CCDC171: variants seen among roughly 807,000 people sequenced by gnomAD.
The protein encoded by CCDC171 is coiled-coil domain containing 171, also known as coiled-coil domain-containing protein 171.
CCDC171 carries 177 observed loss-of-function variants against 168.2 expected under a neutral mutation model. The ratio of observed to expected loss-of-function variants is 1.05; its 90% CI spans 0.93 to 1.19. CCDC171 has a LOEUF of 1.19. Among genes scored for constraint, CCDC171 ranks in the 50% most tolerant of loss-of-function variants. CCDC171 has a pLI of 0.00. For missense variants in CCDC171, 1,991 were observed against 1,539.0 expected (o/e 1.29, Z -4.91); for synonymous variants, 687 against 540.8 (o/e 1.27, Z -3.75).
intron 23 of CCDC171, among the ~76,000 whole-genome samples, chr9:15,857,361 G>C (rs1364510567): frequency 6.6e-6 from 1 of 151,846 alleles, no homozygotes; most frequent in Non-Finnish European, 1.5e-5. Context: ...ATAGTTGTAA[G>C]TCTTATGTTT....
chr9:15,947,757 A>AT (rs892532045), intron 25 of CCDC171, among the ~76,000 whole-genome samples: 13 of 149,454 alleles, frequency 8.7e-5, no homozygotes, highest in African/African-American at 2.5e-4. Flanking sequence ...TGGTGATTCT[A>AT]TTTTTTTTTC....
At chr9:15,636,488 C>G (rs981962747) in intron 7 of CCDC171, among the ~76,000 whole-genome samples, 2 of 152,154 alleles carry the variant, frequency 1.3e-5, no homozygotes, top group African/African-American at 2.4e-5. Context: ...GTGGCTCATG[C>G]CTGTAATCCC....
In CCDC171 at chr9:15,657,149, A is replaced by T; in HGVS notation, c.845A>T (p.Lys282Ile). 1 of 1,607,766 alleles carries T rather than the reference A, an allele frequency of 6.2e-7. No homozygotes were observed. The highest frequency in any genetic ancestry group is 1.1e-5 in the South Asian group (1 of 90,658). Residue 282 changes from lysine to isoleucine, a missense_variant, in exon 8 of 26, where the codon AAA becomes ATA. Transcript: ENST00000380701. ...EFEATTLRVR[K>I]LEENIEAERA... The stretch of plus-strand genomic sequence containing the variant: ...CAGGCAACTACTCTAAGAGTGAGGA[A>T]ATTAGAAGAAAACATTGAAGCAGAA...
intron 7 of CCDC171, among the ~76,000 whole-genome samples, chr9:15,645,291 A>G (rs1271498873): frequency 6.6e-6 from 1 of 152,132 alleles, no homozygotes; most frequent in African/African-American, 2.4e-5. Context: ...ATGGGGAAAA[A>G]ACAGAGCAGA....
downstream of CCDC171, among the ~76,000 whole-genome samples, chr9:15,977,499 T>C (rs1337181428): frequency 6.6e-6 from 1 of 152,230 alleles, no homozygotes; most frequent in African/African-American, 2.4e-5. Flanking sequence ...CTTAGGCATA[T>C]GTTTTTAAAG....
At chr9:16,039,037 G>C (rs879516266), upstream of CCDC171, among the ~76,000 whole-genome samples, 1 of 152,182 alleles carries the variant, frequency 6.6e-6, no homozygotes, top group Admixed American at 6.5e-5. Flanking sequence ...TATAATCATA[G>C]TAGATGTTTT....
intron 11 of CCDC171, among the ~76,000 whole-genome samples, chr9:15,707,409 C>T (rs2052331121): frequency 6.6e-6 from 1 of 152,154 alleles, no homozygotes. Flanking sequence ...ACAATAGAAA[C>T]TCATTTCTAT....
At chr9:16,011,064 G>T (rs935502608) in intron 3 of CCDC171, among the ~76,000 whole-genome samples, 5 of 152,198 alleles carry the variant, frequency 3.3e-5, no homozygotes, top group African/African-American at 1.2e-4. Context: ...AAAGCAAGAG[G>T]TTGTATGGAT....
intron 18 of CCDC171, among the ~76,000 whole-genome samples, chr9:15,749,648 A>G (rs2055575028): frequency 1.3e-5 from 2 of 152,372 alleles, no homozygotes; most frequent in South Asian, 2.1e-4. Flanking sequence ...CAATCAAACT[A>G]GAACTCAGGA....
At chr9:15,611,610 T>A (rs2043701527) in intron 6 of CCDC171, among the ~76,000 whole-genome samples, 2 of 152,204 alleles carry the variant, frequency 1.3e-5, no homozygotes, top group South Asian at 4.1e-4. Flanking sequence ...TTATTTTTAA[T>A]AAGGTGTCTT....
intron 15 of CCDC171, among the ~76,000 whole-genome samples, chr9:15,729,112 A>T (rs985929454): frequency 6.6e-6 from 1 of 152,194 alleles, no homozygotes; most frequent in Admixed American, 6.6e-5. Context: ...TATATTTTCA[A>T]TAGTTTTCAT....
At chr9:15,807,655 G>A (rs1290102831) in intron 21 of CCDC171, among the ~76,000 whole-genome samples, 4 of 151,832 alleles carry the variant, frequency 2.6e-5, no homozygotes, top group African/African-American at 9.7e-5. Context: ...CTTACCTTAT[G>A]GATTTTTTTT....
intron 18 of CCDC171, among the ~76,000 whole-genome samples, chr9:15,765,482 C>G (rs936645538): frequency 6.6e-6 from 1 of 152,100 alleles, no homozygotes; most frequent in African/African-American, 2.4e-5. Flanking sequence ...ACAAACAGTT[C>G]AGGCATTGTA....
At chr9:15,996,254 T>A (rs1316152164) in intron 3 of CCDC171, among the ~76,000 whole-genome samples, 1 of 152,088 alleles carries the variant, frequency 6.6e-6, no homozygotes, top group African/African-American at 2.4e-5. Context: ...CAGGGAGTAA[T>A]GCACATAGGT....
the CCDC171 span, among the ~76,000 whole-genome samples, chr9:16,106,369 C>A: frequency 3.3e-5 from 5 of 152,144 alleles, no homozygotes; most frequent in African/African-American, 1.2e-4. Context: ...TTTTGGACTC[C>A]GCATTTCCGT....
At chr9:15,917,637 A>G (rs1824704631) in intron 24 of CCDC171, among the ~76,000 whole-genome samples, 1 of 151,762 alleles carries the variant, frequency 6.6e-6, no homozygotes, top group African/African-American at 2.4e-5. Flanking sequence ...ATTTGAAGGA[A>G]TATCATTTAT....
chr9:15,832,166 T>C (rs996645938), intron 21 of CCDC171, among the ~76,000 whole-genome samples: 1 of 152,232 alleles, frequency 6.6e-6, no homozygotes, highest in African/African-American at 2.4e-5. Context: ...AAACTTTTGG[T>C]GTGAAATGCC....
At position 16,003,538 on chromosome 9, in the gene CCDC171, C is replaced by T. The variant is rs117882245; in HGVS notation, n.369-17051C>T. Among the ~76,000 whole-genome samples, 58 of 152,312 alleles carry T rather than the reference C, an allele frequency of 3.8e-4. No individual in the cohort carries two copies. In the East Asian group the frequency reaches 0.01, roughly 27 times the overall value. Reference sequence around the variant, plus strand: ...CATGTCTTAGATTTCAAGCTGATAACATTTACCTACCTGATAAGGTGTTGG... The same window carrying T: ...CATGTCTTAGATTTCAAGCTGATAATATTTACCTACCTGATAAGGTGTTGG... On this transcript the variant is annotated intron_variant and non_coding_transcript_variant, in intron 3 of 9. Coordinates refer to the CCDC171 transcript ENST00000486641.
chr9:15,651,557 G>A (rs553410311), intron 7 of CCDC171, among the ~76,000 whole-genome samples: 5 of 152,098 alleles, frequency 3.3e-5, no homozygotes, highest in East Asian at 1.9e-4. Context: ...ATGCCCAGCC[G>A]AGATTAACTT....
Sources: allele counts gnomAD v4.1 joint callset (sites outside exome capture counted in the v4.1 genomes callset), GRCh38; gene constraint gnomAD v4.1.1; transcripts MANE v1.5; gene names NCBI Gene and HGNC (gene_info 2026-07-23, HGNC 2026-07-21).